The following CADM2 variants were observed in gnomAD, a reference collection of about 807,000 sequenced individuals.
CADM2 encodes the protein cell adhesion molecule 2.
In CADM2, 12 loss-of-function variants were observed where a neutral mutation model predicts 49.8. The observed-to-expected ratio is 0.24, with a 90% CI of 0.15 to 0.39. CADM2 has a LOEUF of 0.39. Among genes scored for constraint, CADM2 ranks in the 10% least tolerant of loss-of-function variants. The pLI is 1.00. For missense variants in CADM2, 378 were observed against 492.3 expected, an observed-to-expected ratio of 0.77 and a Z score of 2.20; for synonymous variants, 214 against 175.4, an observed-to-expected ratio of 1.22 and a Z score of -1.74.
intron 1 of CADM2, among the ~76,000 whole-genome samples, chr3:85,407,570 A>G (rs1451936295): frequency 6.6e-6 from 1 of 152,128 alleles, no homozygotes; most frequent in Non-Finnish European, 1.5e-5. Context: ...TTACCAAATC[A>G]TTTCTGCATG....
At chr3:85,291,455 T>C (rs1318070069) in intron 1 of CADM2, among the ~76,000 whole-genome samples, 1 of 148,938 alleles carries the variant, frequency 6.7e-6, no homozygotes, top group Non-Finnish European at 1.5e-5. Flanking sequence ...AAGATACTCC[T>C]CGAGAAGAGC....
Position 86,073,575 on chromosome 3 carries a change from TC to T in CADM2, c.*6793del, listed in dbSNP as rs1703394282. On this transcript the variant is annotated 3_prime_UTR_variant, in exon 10 of 10. Coordinates refer to ENST00000383699, the MANE Select transcript of CADM2 (RefSeq NM_001167675.2). ...TTACAGGGTTCCCATTTGCACTTCATCTTTCAGTAAAGTCTTGTCAGAAAAA... is the reference window on the plus strand; with the variant it reads ...TTACAGGGTTCCCATTTGCACTTCATTTTCAGTAAAGTCTTGTCAGAAAAA... The T allele has an allele frequency of 6.6e-6, 1 of 152,006 alleles. No homozygotes were observed. Among genetic ancestry groups the T allele is most frequent in the Non-Finnish European group, 1.5e-5 (1 of 67,892 alleles). 9.4% of individuals were successfully genotyped at this position (152,006 alleles called of 1,614,324 possible).
intron 1 of CADM2, among the ~76,000 whole-genome samples, chr3:85,697,463 A>G (rs990221285): frequency 1.3e-5 from 2 of 152,146 alleles, no homozygotes; most frequent in Non-Finnish European, 2.9e-5. Context: ...ATTGAATATT[A>G]GTAACAGTAA....
At chr3:85,941,743 T>C (rs1357905968) in intron 7 of CADM2, among the ~76,000 whole-genome samples, 1 of 152,000 alleles carries the variant, frequency 6.6e-6, no homozygotes, top group East Asian at 1.9e-4. Flanking sequence ...AGGGACTAAG[T>C]AGTTAGCAAG....
At chr3:85,356,935 T>C (rs1473352049) in intron 1 of CADM2, among the ~76,000 whole-genome samples, 1 of 152,128 alleles carries the variant, frequency 6.6e-6, no homozygotes, top group Non-Finnish European at 1.5e-5. Flanking sequence ...ATACATGATA[T>C]CACTGACCTT....
intron 1 of CADM2, among the ~76,000 whole-genome samples, chr3:85,452,110 T>C (rs936848929): frequency 1.3e-5 from 2 of 152,134 alleles, no homozygotes; most frequent in Non-Finnish European, 2.9e-5. Flanking sequence ...TTCTAGCATG[T>C]GATAGATCCA....
intron 8 of CADM2, among the ~76,000 whole-genome samples, chr3:86,024,139 C>T (rs1733569647): frequency 1.3e-5 from 2 of 152,340 alleles, no homozygotes; most frequent in African/African-American, 2.4e-5. Context: ...CAAATAGCTT[C>T]AGTGAGATGT....
At chr3:85,728,581 A>G (rs2067803366) in intron 2 of CADM2, among the ~76,000 whole-genome samples, 1 of 152,184 alleles carries the variant, frequency 6.6e-6, no homozygotes, top group Non-Finnish European at 1.5e-5. Context: ...ACCCAAGATA[A>G]TATAAGAGCA....
At chr3:85,319,400 C>T (rs111540113) in intron 1 of CADM2, among the ~76,000 whole-genome samples, 4 of 152,136 alleles carry the variant, frequency 2.6e-5, no homozygotes, top group African/African-American at 9.7e-5. Flanking sequence ...CTTCAAAGAG[C>T]TAAAACCAGA....
At chr3:85,530,497 A>AT (rs2061281188) in intron 1 of CADM2, among the ~76,000 whole-genome samples, 1 of 151,560 alleles carries the variant, frequency 6.6e-6, no homozygotes, top group Non-Finnish European at 1.5e-5. Context: ...CACCCTGCTA[A>AT]TTTTTGTATT....
chr3:85,043,067 G>A (rs181258804), intron 1 of CADM2, among the ~76,000 whole-genome samples: 2 of 152,228 alleles, frequency 1.3e-5, no homozygotes, highest in Non-Finnish European at 2.9e-5. Context: ...TCATGGAGAA[G>A]CCCCTGGGAG....
intron 1 of CADM2, among the ~76,000 whole-genome samples, chr3:85,051,460 T>G (rs73141779): frequency 1.1e-4 from 16 of 152,300 alleles, no homozygotes; most frequent in Admixed American, 2.6e-4. Context: ...AAAAATATTT[T>G]TATCAAGGTC....
chr3:84,991,431 T>A (rs78287048), intron 1 of CADM2, among the ~76,000 whole-genome samples: 1 of 152,134 alleles, frequency 6.6e-6, no homozygotes, highest in East Asian at 1.9e-4. Flanking sequence ...CCATTCTGTC[T>A]CTGTAAAGCT....
intron 2 of CADM2, among the ~76,000 whole-genome samples, chr3:85,732,835 G>T (rs562632297): frequency 1.3e-5 from 2 of 152,242 alleles, no homozygotes; most frequent in African/African-American, 2.4e-5. Context: ...TGAGTAAGAG[G>T]CAGGGCAAAA....
intron 2 of CADM2, among the ~76,000 whole-genome samples, chr3:85,740,936 T>A (rs926129783): frequency 1.3e-5 from 2 of 152,210 alleles, no homozygotes; most frequent in African/African-American, 2.4e-5. Flanking sequence ...AGCAGCTTTA[T>A]CCAGAATAGT....
At chr3:85,460,920 A>G (rs1032492445) in intron 1 of CADM2, among the ~76,000 whole-genome samples, 4 of 152,188 alleles carry the variant, frequency 2.6e-5, no homozygotes, top group African/African-American at 7.2e-5. Context: ...AATGAATATT[A>G]GCTCTGTCCT....
intron 8 of CADM2, among the ~76,000 whole-genome samples, chr3:86,040,456 T>C (rs767190688): frequency 6.6e-6 from 1 of 152,144 alleles, no homozygotes; most frequent in East Asian, 1.9e-4. Context: ...CAGTAGCTGA[T>C]TCGATCAACT....
intron 1 of CADM2, among the ~76,000 whole-genome samples, chr3:85,429,511 CTT>C (rs1042819022): frequency 6.6e-6 from 1 of 151,582 alleles, no homozygotes; most frequent in African/African-American, 2.4e-5. Context: ...GCCATGTTAA[CTT>C]TTTTTTGATG....
At chr3:86,016,498 T>G (rs1732252374) in intron 8 of CADM2, among the ~76,000 whole-genome samples, 1 of 152,168 alleles carries the variant, frequency 6.6e-6, no homozygotes, top group East Asian at 1.9e-4. Flanking sequence ...GAGGAAAATA[T>G]AATTAAATGA....
Sources: allele counts gnomAD v4.1 joint callset (sites outside exome capture counted in the v4.1 genomes callset), GRCh38; gene constraint gnomAD v4.1.1; transcripts MANE v1.5; gene names NCBI Gene and HGNC (gene_info 2026-07-23, HGNC 2026-07-21).